Variants in AATK observed in about 807,000 individuals in gnomAD.
The protein encoded by AATK is lemur tail kinase 1.
In AATK, 91 loss-of-function variants were observed where a neutral mutation model predicts 114.3. That is an observed-to-expected ratio of 0.80 (90% confidence interval 0.67 to 0.95). The LOEUF (loss-of-function observed/expected upper bound fraction) is 0.95, where lower values mean the gene tolerates loss of function less well. Among genes scored for constraint, AATK ranks in the 40% least tolerant of loss-of-function variants. The pLI is 0.00. For synonymous variants in AATK, 1,075 were observed against 916.5 expected, an observed-to-expected ratio of 1.17 and a Z score of -3.12; for missense variants, 2,176 against 1,965.2, an observed-to-expected ratio of 1.11 and a Z score of -2.03.
intron 1 of AATK, among the ~76,000 whole-genome samples, chr17:81,142,519 G>A (rs2061154018): frequency 6.6e-6 from 1 of 152,078 alleles, no homozygotes; most frequent in Non-Finnish European, 1.5e-5. Flanking sequence ...CAATCCTCCC[G>A]CCTTGGCCTC....
chr17:81,126,441 G>A lies in AATK; in HGVS notation c.741C>T (p.Asn247=), dbSNP rs1048804751. 1 of 1,563,354 alleles carries A rather than the reference G, an allele frequency of 6.4e-7. No individual in the cohort carries two copies. Among genetic ancestry groups the A allele is most frequent in the African/African-American group, 1.4e-5 (1 of 73,590 alleles). Residue 247 remains asparagine (N), a synonymous_variant, in exon 7 of 14, where the codon AAC becomes AAT. Transcript: ENST00000326724. The surrounding 1 kb of genome is among the most constrained non-coding windows in gnomAD (Gnocchi z 5.1). ...CCCGCCCTCACCTGTGCACGAAATT[G>A]TTGCGATGAAGGTGCAGGACGCCAC... ...VACGVLHLHR[N]NFVHSDLALR...
In AATK at chr17:81,126,402, G is replaced by T. The variant is rs1484370120; in HGVS notation, c.755+25C>A. The T allele has an allele frequency of 1.9e-6, 3 of 1,545,100 alleles. No homozygotes were observed. Among genetic ancestry groups the T allele is most frequent in the Admixed American group, 1.9e-5 (1 of 52,080 alleles). Reference sequence around the variant, plus strand: ...GAGGGGCCTGGCCTAGGGCTTCCCGGCCGCTGGCCCGCGCCCGCCCTCACC... The same window carrying T: ...GAGGGGCCTGGCCTAGGGCTTCCCGTCCGCTGGCCCGCGCCCGCCCTCACC... On this transcript the variant is annotated intron_variant, in intron 7 of 13. Coordinates refer to ENST00000326724, the MANE Select transcript of AATK (RefSeq NM_001080395.3). This position sits in a 1 kb window ranked among gnomAD's most constrained non-coding sequence, Gnocchi z 5.1.
chr17:81,120,557 G>T lies in AATK; in HGVS notation c.3379C>A (p.Pro1127Thr), dbSNP rs747448646. The stretch of plus-strand genomic sequence containing the variant: ...CCCCCCATCCGCTTTTGTGGGGCCG[G>T]CCCTGACAACAGTCCTGGGGGCCCC... ...FQGPPGLLSGPAPQKRMGGPG... is the reference protein window; with the variant it reads ...FQGPPGLLSGTAPQKRMGGPG... Residue 1127 changes from proline (P) to threonine (T), a missense_variant, in exon 11 of 14, where the codon CCG (proline) becomes ACG (threonine). Pro to Thr is a conservative substitution (Grantham distance 38, BLOSUM62 -1). Around this residue, in one of 4 missense-constraint regions of AATK, gnomAD observed 1,701 missense variants for 1,394.7 expected, o/e 1.22. Coordinates refer to ENST00000326724, the MANE Select transcript of AATK (RefSeq NM_001080395.3). The T allele has an allele frequency of 2.6e-6, 4 of 1,509,606 alleles. No individual in the cohort carries two copies. The South Asian group carries it at 3.9e-5, about 15-fold the overall frequency. 93.5% of individuals were successfully genotyped at this position (1,509,606 alleles called of 1,614,324 possible). A position where few individuals can be genotyped will look rare whatever the true frequency, so the allele number is the denominator to read the frequency against.
At chr17:81,164,806 G>A (rs2061466888) in intron 1 of AATK, among the ~76,000 whole-genome samples, 1 of 152,182 alleles carries the variant, frequency 6.6e-6, no homozygotes, top group Non-Finnish European at 1.5e-5. Context: ...ACCCCACAGG[G>A]ACTTCCGAGC....
At chr17:81,132,442 G>T (rs1446247199) in intron 2 of AATK, among the ~76,000 whole-genome samples, 1 of 152,248 alleles carries the variant, frequency 6.6e-6, no homozygotes, top group African/African-American at 2.4e-5. Flanking sequence ...GGCCCAGCCT[G>T]CCCTTTCGGA....
At chr17:81,156,812 G>T (rs936085246) in intron 1 of AATK, among the ~76,000 whole-genome samples, 3 of 152,268 alleles carry the variant, frequency 2.0e-5, no homozygotes, top group Non-Finnish European at 4.4e-5. Flanking sequence ...GTGTCTTTTG[G>T]GATTCAATCA....
chr17:81,135,862 C>T (rs537809095), intron 1 of AATK: 1 of 152,616 alleles, frequency 6.6e-6, no homozygotes, highest in African/African-American at 2.4e-5. Context: ...GCCAGCAAAG[C>T]AAGACCTGGG....
chr17:81,156,575 T>A (rs977009391), intron 1 of AATK, among the ~76,000 whole-genome samples: 1 of 152,178 alleles, frequency 6.6e-6, no homozygotes, highest in Non-Finnish European at 1.5e-5. Context: ...TTTTTTGTAT[T>A]TTTAGTAGAA....
intron 4 of AATK, among the ~76,000 whole-genome samples, chr17:81,128,168 T>G (rs912497868): frequency 6.6e-6 from 1 of 151,878 alleles, no homozygotes; most frequent in African/African-American, 2.4e-5. Context: ...CTCTGGGGGT[T>G]TGAAGTGAGG....
intron 2 of AATK, chr17:81,133,070 C>T: frequency 3.0e-6 from 1 of 337,982 alleles, no homozygotes; most frequent in South Asian, 2.1e-5. Flanking sequence ...CTGGCCTGGC[C>T]CCTGGTGCCA....
chr17:81,143,342 G>A (rs1011563009), intron 1 of AATK, among the ~76,000 whole-genome samples: 4 of 152,154 alleles, frequency 2.6e-5, no homozygotes, highest in Admixed American at 2.0e-4. Context: ...CCCTAGGACC[G>A]GGTGCTCACT....
At chr17:81,153,865 G>A (rs2146398418) in intron 1 of AATK, among the ~76,000 whole-genome samples, 1 of 152,286 alleles carries the variant, frequency 6.6e-6, no homozygotes, top group South Asian at 2.1e-4. Context: ...GAGGTCAGGA[G>A]TTCGAGACCA....
At chr17:81,127,274 C>CCT (rs1280281794) in intron 6 of AATK, among the ~76,000 whole-genome samples, 1 of 152,020 alleles carries the variant, frequency 6.6e-6, no homozygotes, top group Non-Finnish European at 1.5e-5. Flanking sequence ...GTGCCCCCCC[C>CCT]CAGTTGGCCC....
At position 81,118,138 on chromosome 17, in the gene AATK, ACTGTGGCTCCAGGC is replaced by A; in HGVS notation, c.*250_*263del. 1 of 531,108 alleles carries A rather than the reference ACTGTGGCTCCAGGC, an allele frequency of 1.9e-6. No individual in the cohort carries two copies. Among genetic ancestry groups the A allele is most frequent in the African/African-American group, 1.9e-5 (1 of 52,584 alleles). The allele number at this position is 531,108 out of a possible 1,614,324, so 32.9% of individuals were successfully genotyped here. A position where few individuals can be genotyped will look rare whatever the true frequency, so the allele number is the denominator to read the frequency against. ...AGTGTGTATGTGTGTACAGACACCCACTGTGGCTCCAGGCGCCCCCAGGGGCTAGCAGCAAGCCT... is the reference window on the plus strand; with the variant it reads ...AGTGTGTATGTGTGTACAGACACCCAGCCCCCAGGGGCTAGCAGCAAGCCT... On this transcript the variant is annotated 3_prime_UTR_variant, in exon 14 of 14. Transcript: ENST00000326724.
chr17:81,152,915 T>C (rs1408269564), intron 1 of AATK, among the ~76,000 whole-genome samples: 1 of 151,408 alleles, frequency 6.6e-6, no homozygotes, highest in Non-Finnish European at 1.5e-5. Flanking sequence ...TGATCTCGGT[T>C]CACTGAAACC....
At chr17:81,123,886 C>T (rs1434429509) in intron 9 of AATK, among the ~76,000 whole-genome samples, 1 of 152,136 alleles carries the variant, frequency 6.6e-6, no homozygotes, top group East Asian at 1.9e-4. Context: ...CCACTTTGGT[C>T]CCTGGCTGTC....
intron 1 of AATK, among the ~76,000 whole-genome samples, chr17:81,154,831 T>TA (rs1395994971): frequency 0.11 from 15,673 of 137,712 alleles, 1,815 homozygotes; most frequent in African/African-American, 0.26. Flanking sequence ...GGTTTCAACA[T>TA]GTTGGCCAGG....
chr17:81,136,911 T>A (rs561713074), intron 1 of AATK, among the ~76,000 whole-genome samples: 59 of 152,226 alleles, frequency 3.9e-4, no homozygotes, highest in African/African-American at 1.4e-3. Flanking sequence ...GCGGTTCCCA[T>A]CTGAGGGTCA....
chr17:81,144,908 G>A (rs947453876), intron 1 of AATK, among the ~76,000 whole-genome samples: 1 of 152,198 alleles, frequency 6.6e-6, no homozygotes, highest in Admixed American at 6.5e-5. Context: ...ATCTGGGCCT[G>A]GCCACGCAGA....
Sources: allele counts gnomAD v4.1 joint callset (sites outside exome capture counted in the v4.1 genomes callset), GRCh38; gene constraint gnomAD v4.1.1; regional missense constraint gnomAD v4.1.1; non-coding constraint Gnocchi (gnomAD v3.1); transcripts MANE v1.5; gene names NCBI Gene and HGNC (gene_info 2026-07-23, HGNC 2026-07-21).